Variants in EVL observed in about 807,000 individuals in gnomAD.
The protein encoded by EVL is ena/VASP-like protein.
Under a neutral mutation model 59.6 loss-of-function variants are expected in EVL, and 21 were observed. That is an observed-to-expected ratio of 0.35 (90% CI 0.25 to 0.51). The LOEUF is 0.51. Among genes scored for constraint, EVL ranks in the 20% least tolerant of loss-of-function variants. EVL has a pLI of 0.97. For synonymous variants in EVL, 198 were observed against 203.5 expected, an observed-to-expected ratio of 0.97 and a Z score of 0.23; for missense variants, 462 against 546.6, an observed-to-expected ratio of 0.85 and a Z score of 1.54.
intron 1 of EVL, among the ~76,000 whole-genome samples, chr14:100,037,706 A>G (rs1468517627): frequency 6.6e-5 from 10 of 152,150 alleles, no homozygotes. Context: ...TGGACATGGT[A>G]TTTACCTTTC....
chr14:100,088,825 A>G (rs1289912258), intron 2 of EVL, among the ~76,000 whole-genome samples: 1 of 152,224 alleles, frequency 6.6e-6, no homozygotes, highest in Non-Finnish European at 1.5e-5. Flanking sequence ...ATGACATTTT[A>G]AAATGTTAAT....
At chr14:99,975,551 G>C (rs560237139) in intron 1 of EVL, among the ~76,000 whole-genome samples, 25 of 152,286 alleles carry the variant, frequency 1.6e-4, no homozygotes, top group African/African-American at 5.8e-4. Flanking sequence ...TTTTTCCTTG[G>C]GGGGTTAGGG....
intron 1 of EVL, among the ~76,000 whole-genome samples, chr14:99,986,002 A>G (rs1274120229): frequency 1.3e-5 from 2 of 151,680 alleles, no homozygotes; most frequent in African/African-American, 2.4e-5. Flanking sequence ...ATCAAAATCA[A>G]ATGTATTGGC....
At chr14:100,107,407 G>A (rs908950799) in intron 3 of EVL, 4 of 397,986 alleles carry the variant, frequency 1.0e-5, no homozygotes. Flanking sequence ...AGGGAAGGAG[G>A]CTTGGGTGTC....
At position 100,078,974 on chromosome 14, in the gene EVL, G is replaced by A. The variant is rs576218927; in HGVS notation, c.12-5713G>A. 1.1e-4 allele frequency among the ~76,000 whole-genome samples: 16 copies of A among 152,306 alleles called. No individual in the cohort carries two copies. In the East Asian group the frequency reaches 2.3e-3, roughly 22 times the overall value. ...TGCCAGTCCCAGGGAGAGAGAGTGAGGCCTTGGCCGCCTGCTTTCCAGGAA... is the reference window on the plus strand; with the variant it reads ...TGCCAGTCCCAGGGAGAGAGAGTGAAGCCTTGGCCGCCTGCTTTCCAGGAA... On this transcript the variant is annotated intron_variant, in intron 1 of 13. Transcript: ENST00000392920.
At chr14:100,090,394 A>G (rs1285398851) in intron 2 of EVL, among the ~76,000 whole-genome samples, 1 of 152,240 alleles carries the variant, frequency 6.6e-6, no homozygotes, top group African/African-American at 2.4e-5. Context: ...TGCCAGTCTT[A>G]CATTACTCCT....
chr14:100,103,553 C>T (rs1018830240), intron 3 of EVL, among the ~76,000 whole-genome samples: 3 of 152,140 alleles, frequency 2.0e-5, no homozygotes, highest in Non-Finnish European at 4.4e-5. Context: ...TTTGCCTGCT[C>T]ATGTACTGAT....
intron 1 of EVL, among the ~76,000 whole-genome samples, chr14:100,015,109 A>G (rs1167990880): frequency 6.6e-6 from 1 of 152,222 alleles, no homozygotes; most frequent in East Asian, 1.9e-4. Flanking sequence ...TGTGCCCCAC[A>G]GCCTAAAAAA....
chr14:99,997,123 C>T (rs1471426440), intron 1 of EVL, among the ~76,000 whole-genome samples: 1 of 151,002 alleles, frequency 6.6e-6, no homozygotes, highest in African/African-American at 2.4e-5. Flanking sequence ...ATGATGTAGA[C>T]CTTCAGTTTG....
chr14:100,056,514 G>A (rs2061736102), intron 1 of EVL, among the ~76,000 whole-genome samples: 1 of 152,110 alleles, frequency 6.6e-6, no homozygotes, highest in Non-Finnish European at 1.5e-5. Flanking sequence ...GTTTCCCATG[G>A]TAGAGGTTGC....
Position 100,108,940 on chromosome 14 carries a change from T to C in EVL, c.358+11282T>C, listed in dbSNP as rs1886764039. ...CCAAAAACCCACACATCGTCTGCCT[T>C]ATAAGCTCTCAGTATATCCATCCCT... On this transcript the variant is annotated intron_variant, in intron 3 of 13. Coordinates refer to ENST00000392920, the MANE Select transcript of EVL (RefSeq NM_016337.3). This position sits in a 1 kb window ranked among gnomAD's most constrained non-coding sequence, Gnocchi z 4.1. 6.6e-6 allele frequency among the ~76,000 whole-genome samples: 1 copy of C among 152,186 alleles called. No individual in the cohort carries two copies. Among genetic ancestry groups the C allele is most frequent in the African/African-American group, 2.4e-5 (1 of 41,438 alleles).
chr14:100,048,602 C>T (rs978838356), intron 1 of EVL, among the ~76,000 whole-genome samples: 1 of 152,162 alleles, frequency 6.6e-6, no homozygotes, highest in Non-Finnish European at 1.5e-5. Context: ...TAACATATAA[C>T]CCAGCAATCC....
At chr14:100,123,804 A>G (rs1270224174) in intron 4 of EVL, among the ~76,000 whole-genome samples, 1 of 152,236 alleles carries the variant, frequency 6.6e-6, no homozygotes, top group Non-Finnish European at 1.5e-5. Flanking sequence ...CACCAAGACC[A>G]GGAATGACTG....
chr14:100,055,327 C>T (rs940933979), intron 1 of EVL, among the ~76,000 whole-genome samples: 1 of 152,088 alleles, frequency 6.6e-6, no homozygotes, highest in Non-Finnish European at 1.5e-5. Context: ...TTTCTAAGTT[C>T]TGTCTATTGT....
At position 100,023,211 on chromosome 14, in the gene EVL, T is replaced by A. The variant is rs1349828733; in HGVS notation, c.5+51154T>A. The stretch of plus-strand genomic sequence containing the variant: ...TCCTTTTGCCCTTTTTTTTTTTTAA[T>A]TTTTTTTTTTTGGAACACAGTCTCA... On this transcript the variant is annotated intron_variant, in intron 1 of 13. Transcript: ENST00000402714. 0.013 allele frequency among the ~76,000 whole-genome samples: 884 copies of A among 69,444 alleles called. 3 individuals carry two copies. The African/African-American group carries it at 0.15, about 12-fold the overall frequency. The allele number at this position is 69,444 out of a possible 152,430, so 45.6% of individuals were successfully genotyped here.
chr14:99,999,718 T>TTCTGCAGAGAGATGTCTGTGGACCCC (rs1383313442), intron 1 of EVL, among the ~76,000 whole-genome samples: 1 of 152,226 alleles, frequency 6.6e-6, no homozygotes, highest in Non-Finnish European at 1.5e-5. Context: ...CATGGATTGC[T>TTCTGCAGAGAGATGTCTGTGGACCCC]TCTGCAGAGA....
At chr14:100,035,541 C>T (rs772488070) in intron 1 of EVL, among the ~76,000 whole-genome samples, 44 of 152,076 alleles carry the variant, frequency 2.9e-4, no homozygotes, top group African/African-American at 8.9e-4. Context: ...GTGGTTTTCA[C>T]TGATGGGGAG....
intron 1 of EVL, among the ~76,000 whole-genome samples, chr14:100,077,691 A>G (rs924256084): frequency 6.6e-6 from 1 of 152,202 alleles, no homozygotes; most frequent in Non-Finnish European, 1.5e-5. Context: ...GACTTACCAC[A>G]TCAGAATCTC....
At chr14:100,025,084 C>T (rs1595576440) in intron 1 of EVL, among the ~76,000 whole-genome samples, 1 of 152,298 alleles carries the variant, frequency 6.6e-6, no homozygotes, top group East Asian at 1.9e-4. Flanking sequence ...TCCAAGCTTT[C>T]TGCCCTGTTC....
Sources: gnomAD v4.1 joint callset for allele counts (sites outside exome capture counted in the v4.1 genomes callset) on GRCh38, gnomAD v4.1.1 for gene constraint, Gnocchi (gnomAD v3.1) non-coding constraint, MANE v1.5 for transcripts, NCBI Gene and HGNC (gene_info 2026-07-23, HGNC 2026-07-21) for gene names.